The following STMN1 variants were observed in gnomAD, a reference collection of about 807,000 sequenced individuals.
STMN1 encodes the protein stathmin 1.
In STMN1, 3 loss-of-function variants were observed where a neutral mutation model predicts 19.7. The observed-to-expected ratio is 0.15, with a 90% CI of 0.07 to 0.39. STMN1 has a LOEUF of 0.39. Ranked by LOEUF, STMN1 falls within the 10% of genes least tolerant of loss-of-function variation. The probability of loss-of-function intolerance (pLI) is 1.00; values close to 1 mark genes in which losing one functional copy is unlikely to be tolerated. For synonymous variants in STMN1, 59 were observed against 58.9 expected (o/e 1.00, Z -0.01); for missense variants, 99 against 176.0 (o/e 0.56, Z 2.48).
At chr1:25,887,491 C>T in intron 4 of STMN1, 1 of 351,032 alleles carries the variant, frequency 2.8e-6, no homozygotes, top group East Asian at 8.9e-5. Context: ...ATGCAGCTTG[C>T]AAATAAGAGA....
chr1:25,891,134 A>G (rs2048771159), intron 4 of STMN1, among the ~76,000 whole-genome samples: 1 of 152,246 alleles, frequency 6.6e-6, no homozygotes, highest in South Asian at 2.1e-4. Flanking sequence ...GGAGTTCAAG[A>G]CCAGCCTGAC....
intron 4 of STMN1, chr1:25,885,924 G>C: frequency 6.7e-7 from 1 of 1,488,868 alleles, no homozygotes; most frequent in South Asian, 1.4e-5. Flanking sequence ...CCAAGGGACA[G>C]GAGGTGGAGG....
chr1:25,905,799 C>T (rs997607358), intron 1 of STMN1: 9 of 152,262 alleles, frequency 5.9e-5, no homozygotes, highest in African/African-American at 1.9e-4. Context: ...AACAGGCCCC[C>T]GGGTGGTCCC....
At chr1:25,894,445 T>G (rs1332519399) in intron 4 of STMN1, among the ~76,000 whole-genome samples, 1 of 152,126 alleles carries the variant, frequency 6.6e-6, no homozygotes, top group East Asian at 1.9e-4. Flanking sequence ...TCTGGGAAGT[T>G]GAGGCTGGTG....
chr1:25,901,753 T>C (rs2048877702), intron 3 of STMN1, 71 bp from the exon 4 acceptor site: 2 of 1,469,796 alleles, frequency 1.4e-6, no homozygotes, highest in Non-Finnish European at 1.8e-6. Flanking sequence ...CTCACGCCTG[T>C]AATCCCAGCA....
downstream of STMN1, among the ~76,000 whole-genome samples, chr1:25,899,538 G>T: frequency 6.6e-6 from 1 of 152,166 alleles, no homozygotes; most frequent in South Asian, 2.1e-4. Context: ...TCCTCTGATT[G>T]ATCATTTAAG....
At chr1:25,894,115 T>C (rs2048798785) in intron 4 of STMN1, among the ~76,000 whole-genome samples, 1 of 152,018 alleles carries the variant, frequency 6.6e-6, no homozygotes, top group African/African-American at 2.4e-5. Context: ...GGTAACATGG[T>C]AAATTAGGAA....
chr1:25,895,637 C>T (rs998917771), downstream of STMN1, among the ~76,000 whole-genome samples: 5 of 152,210 alleles, frequency 3.3e-5, no homozygotes, highest in Admixed American at 1.3e-4. Flanking sequence ...ACTGCAAGCC[C>T]AGGGTTGCCA....
chr1:25,900,301 G>A lies in STMN1; in HGVS notation c.*715C>T. ...TGTGCTTTTAATCTGCCTTTTAAAA[G>A]GGACACAGAACAAAAAATGGTTGTT... On this transcript the variant is annotated 3_prime_UTR_variant, in exon 5 of 5. Transcript: ENST00000455785. 2.0e-6 allele frequency: 2 copies of A among 985,814 alleles called. No homozygotes were observed. The highest frequency in any genetic ancestry group is 2.4e-6 in the Non-Finnish European group (2 of 829,930). 61.1% of individuals were successfully genotyped at this position (985,814 alleles called of 1,614,324 possible). A position where few individuals can be genotyped will look rare whatever the true frequency, so the allele number is the denominator to read the frequency against.
At chr1:25,904,251 C>T (rs948164150) in intron 2 of STMN1, among the ~76,000 whole-genome samples, 1 of 151,870 alleles carries the variant, frequency 6.6e-6, no homozygotes, top group Non-Finnish European at 1.5e-5. Flanking sequence ...CACTTGAGCT[C>T]CAGAAGTCAA....
chr1:25,893,382 A>C (rs917839350), intron 4 of STMN1, among the ~76,000 whole-genome samples: 1 of 152,148 alleles, frequency 6.6e-6, no homozygotes, highest in African/African-American at 2.4e-5. Flanking sequence ...AGACCTTCTA[A>C]GAGCACAAGG....
intron 2 of STMN1, 79 bp from the exon 3 acceptor site, chr1:25,903,892 C>T: frequency 2.8e-6 from 4 of 1,430,314 alleles, no homozygotes; most frequent in African/African-American, 2.9e-5. Context: ...TTCTAAAACC[C>T]AAATCAATTT....
chr1:25,886,882 G>A (rs572330344), intron 4 of STMN1, among the ~76,000 whole-genome samples: 15 of 152,106 alleles, frequency 9.9e-5, no homozygotes, highest in Admixed American at 5.9e-4. Context: ...CACCGTGCCT[G>A]GCCCCACTGC....
At chr1:25,894,590 G>A (rs1047301761) in intron 4 of STMN1, among the ~76,000 whole-genome samples, 1 of 152,130 alleles carries the variant, frequency 6.6e-6, no homozygotes, top group African/African-American at 2.4e-5. Flanking sequence ...TGAGGTTGGA[G>A]GATTGCTTGA....
In STMN1 at chr1:25,901,480, A is replaced by G. The variant is rs114251743; in HGVS notation, c.378+11T>C. The G allele has an allele frequency of 0.014, 22,390 of 1,601,186 alleles. 186 individuals are homozygous for G. The highest frequency in any genetic ancestry group is 0.017 in the Non-Finnish European group (19,738 of 1,174,774). ...TCCAAGCTCAACCCTTTTACAAAGTAAGAAACCAACCTTCTCTCGCAAACG... is the reference window on the plus strand; with the variant it reads ...TCCAAGCTCAACCCTTTTACAAAGTGAGAAACCAACCTTCTCTCGCAAACG... On this transcript the variant is annotated intron_variant, in intron 4 of 4. Transcript: ENST00000455785.
In STMN1 at chr1:25,903,748, G is replaced by A. The variant is rs529084472; in HGVS notation, c.79C>T (p.Arg27Trp). 11 of 1,613,980 alleles carry A rather than the reference G, an allele frequency of 6.8e-6. No homozygotes were observed. Among genetic ancestry groups the A allele is most frequent in the South Asian group, 6.6e-5 (6 of 91,068 alleles). The change falls in exon 3 of 5, where the codon CGG (arginine) becomes TGG (tryptophan). Residue 27 changes from arginine (R) to tryptophan (W), a missense_variant. By Grantham distance (101) the Arg-to-Trp change is moderately radical. Transcript: ENST00000455785. ...AATTCTGGAACAGATTCTTTTGACCGAGGGCTGAGAATCAGCTCAAAAGCC... is the reference window on the plus strand; with the variant it reads ...AATTCTGGAACAGATTCTTTTGACCAAGGGCTGAGAATCAGCTCAAAAGCC... Reference protein sequence around the residue: ...GQAFELILSPRSKESVPEFPL... With the variant: ...GQAFELILSPWSKESVPEFPL...
chr1:25,889,043 A>T (rs187313635), intron 4 of STMN1: 158 of 490,176 alleles, frequency 3.2e-4, no homozygotes, highest in African/African-American at 2.9e-3. Flanking sequence ...TTAGGATGAA[A>T]ACTGGCAATA....
At position 25,903,633 on chromosome 1, in the gene STMN1, T is replaced by G. The variant is rs748534905; in HGVS notation, c.186+8A>C. On this transcript the variant is annotated splice_region_variant and intron_variant, in intron 3 of 4. Coordinates refer to ENST00000455785, the MANE Select transcript of STMN1 (RefSeq NM_005563.4). Reference sequence around the variant, plus strand: ...AATATCCTGCTTTCTGTGAATTGCTTCGTTTACCTTGCGTCTTTCTTCTGC... The same window carrying G: ...AATATCCTGCTTTCTGTGAATTGCTGCGTTTACCTTGCGTCTTTCTTCTGC... 1 of 1,610,766 alleles carries G rather than the reference T, an allele frequency of 6.2e-7. No homozygotes were observed. Among genetic ancestry groups the G allele is most frequent in the South Asian group, 1.1e-5 (1 of 90,616 alleles).
intron 4 of STMN1, among the ~76,000 whole-genome samples, chr1:25,888,457 G>A (rs551381153): frequency 6.6e-6 from 1 of 152,282 alleles, no homozygotes; most frequent in East Asian, 1.9e-4. Flanking sequence ...TAGTGCTGGT[G>A]CATAGTAGGT....
Sources: gnomAD v4.1 joint callset for allele counts (sites outside exome capture counted in the v4.1 genomes callset) on GRCh38, gnomAD v4.1.1 for gene constraint, MANE v1.5 for transcripts, NCBI Gene and HGNC (gene_info 2026-07-23, HGNC 2026-07-21) for gene names.